DLG2: variants seen among roughly 807,000 people sequenced by gnomAD.
DLG2 encodes the protein disks large homolog 2.
DLG2 carries 45 observed loss-of-function variants against 132.5 expected under a neutral mutation model. The observed-to-expected ratio is 0.34, with a 90% CI of 0.27 to 0.44. The LOEUF is 0.44. Ranked by LOEUF, DLG2 falls within the 20% of genes least tolerant of loss-of-function variation. The pLI is 1.00. For synonymous variants in DLG2, 424 were observed against 419.6 expected (o/e 1.01, Z -0.13); for missense variants, 1,045 against 1,196.9 (o/e 0.87, Z 1.87).
At chr11:84,858,772 A>G (rs576457203) in intron 6 of DLG2, among the ~76,000 whole-genome samples, 11 of 152,238 alleles carry the variant, frequency 7.2e-5, no homozygotes, top group Non-Finnish European at 1.5e-4. Flanking sequence ...TAATAAAAAT[A>G]TACACACTTT....
chr11:84,292,282 C>T (rs182730946), intron 7 of DLG2, among the ~76,000 whole-genome samples: 81 of 152,160 alleles, frequency 5.3e-4, no homozygotes, highest in Non-Finnish European at 5.9e-5. Context: ...CTATAGTTAC[C>T]AGTGGAGAGA....
intron 3 of DLG2, among the ~76,000 whole-genome samples, chr11:85,528,988 T>C (rs559897073): frequency 1.9e-4 from 29 of 152,332 alleles, no homozygotes; most frequent in Non-Finnish European, 3.4e-4. Flanking sequence ...CATGAAATAC[T>C]ATACAGCAAT....
chr11:83,888,204 T>C (rs1432046775), intron 15 of DLG2, among the ~76,000 whole-genome samples: 4 of 151,894 alleles, frequency 2.6e-5, no homozygotes, highest in Non-Finnish European at 5.9e-5. Context: ...GAAAACCCCA[T>C]CGTCTCAGCC....
At chr11:84,410,408 C>G (rs2098893734) in intron 7 of DLG2, among the ~76,000 whole-genome samples, 1 of 151,926 alleles carries the variant, frequency 6.6e-6, no homozygotes, top group Non-Finnish European at 1.5e-5. Flanking sequence ...CCTTCCAGGA[C>G]CAATAGAGGG....
At chr11:85,608,091 G>T (rs1591268752) in intron 2 of DLG2, among the ~76,000 whole-genome samples, 1 of 152,172 alleles carries the variant, frequency 6.6e-6, no homozygotes, top group South Asian at 2.1e-4. Flanking sequence ...GGTCTAGGAG[G>T]AAAACTAGTG....
intron 6 of DLG2, among the ~76,000 whole-genome samples, chr11:85,101,050 T>A (rs966568102): frequency 2.0e-5 from 3 of 152,162 alleles, no homozygotes; most frequent in African/African-American, 7.2e-5. Context: ...CATTTATGAA[T>A]GTCAGTCAAG....
chr11:84,838,723 C>T (rs917062555), intron 6 of DLG2, among the ~76,000 whole-genome samples: 3 of 152,122 alleles, frequency 2.0e-5, no homozygotes, highest in African/African-American at 2.4e-5. Context: ...ATCACATAAA[C>T]GGAACCAAAG....
At chr11:84,616,183 T>C (rs966433914) in intron 6 of DLG2, among the ~76,000 whole-genome samples, 4 of 151,942 alleles carry the variant, frequency 2.6e-5, no homozygotes, top group African/African-American at 7.2e-5. Context: ...GGTAAAAAGG[T>C]GGGGCAGTTG....
At chr11:84,688,318 G>C (rs1219220971) in intron 6 of DLG2, among the ~76,000 whole-genome samples, 1 of 152,028 alleles carries the variant, frequency 6.6e-6, no homozygotes, top group African/African-American at 2.4e-5. Context: ...TACAGCCAAA[G>C]TATATATAAA....
chr11:85,385,948 C>T (rs934426282), intron 3 of DLG2, among the ~76,000 whole-genome samples: 4 of 152,164 alleles, frequency 2.6e-5, no homozygotes, highest in Middle Eastern at 3.2e-3. Flanking sequence ...ACTTTACCCA[C>T]GATTAGTTGA....
intron 6 of DLG2, among the ~76,000 whole-genome samples, chr11:84,582,626 G>C (rs1017089648): frequency 1.3e-5 from 2 of 151,602 alleles, no homozygotes; most frequent in Non-Finnish European, 2.9e-5. Flanking sequence ...TTATGGGACA[G>C]TTATAGACAT....
At chr11:85,417,578 C>T (rs1454723396) in intron 3 of DLG2, among the ~76,000 whole-genome samples, 1 of 152,052 alleles carries the variant, frequency 6.6e-6, no homozygotes, top group African/African-American at 2.4e-5. Context: ...TGGTCCTCAG[C>T]TTTTTTTGGT....
At chr11:83,499,898 T>TAA (rs1555113167) in intron 21 of DLG2, among the ~76,000 whole-genome samples, 1,072 of 95,582 alleles carry the variant, frequency 0.011, 22 homozygotes, top group Non-Finnish European at 0.014. Flanking sequence ...TATATATATA[T>TAA]CAGTTCTGTC....
rs1567803646 is a variant in DLG2, at chr11:84,502,220, T to TCTC, written c.519+32349_519+32350insGAG. The stretch of plus-strand genomic sequence containing the variant: ...TCTCTCTCCTTCCTTCCTTCCTTCC[T>TCTC]TCCTTCCTTCCTTCCTTCCTTCCTT... On this transcript the variant is annotated intron_variant, in intron 7 of 27. Coordinates refer to ENST00000376104, the MANE Select transcript of DLG2 (RefSeq NM_001142699.3). Among the ~76,000 whole-genome samples, 8 of 6,110 alleles carry TCTC rather than the reference T, an allele frequency of 1.3e-3. 1 individual carries two copies. The highest frequency in any genetic ancestry group is 9.6e-3 in the South Asian group (1 of 104). 4.0% of individuals were successfully genotyped at this position (6,110 alleles called of 152,430 possible). A position where few individuals can be genotyped will look rare whatever the true frequency, so the allele number is the denominator to read the frequency against.
intron 3 of DLG2, among the ~76,000 whole-genome samples, chr11:85,582,216 T>A (rs1487445926): frequency 2.0e-5 from 3 of 152,106 alleles, no homozygotes; most frequent in Non-Finnish European, 4.4e-5. Context: ...CTAACAGGCA[T>A]GAAAATGTGT....
chr11:83,517,529 T>C (rs762330471), intron 21 of DLG2, among the ~76,000 whole-genome samples: 1 of 152,242 alleles, frequency 6.6e-6, no homozygotes, highest in Non-Finnish European at 1.5e-5. Context: ...CTCATCGAAG[T>C]CAGTCTCTGT....
intron 15 of DLG2, among the ~76,000 whole-genome samples, chr11:83,916,212 T>G (rs1433801327): frequency 6.6e-6 from 1 of 152,202 alleles, no homozygotes; most frequent in Non-Finnish European, 1.5e-5. Flanking sequence ...TATGAACATT[T>G]GTATACAAGC....
chr11:84,517,426 C>A (rs1393377213), intron 7 of DLG2, among the ~76,000 whole-genome samples: 1 of 151,596 alleles, frequency 6.6e-6, no homozygotes, highest in East Asian at 1.9e-4. Context: ...CAGGGAAATG[C>A]AAGTAAAAAA....
chr11:84,885,528 T>C (rs1258451453), intron 6 of DLG2, among the ~76,000 whole-genome samples: 1 of 152,064 alleles, frequency 6.6e-6, no homozygotes. Context: ...TGTTTTATAG[T>C]ATGGAAATCA....
Sources: allele counts gnomAD v4.1 joint callset (sites outside exome capture counted in the v4.1 genomes callset), GRCh38; gene constraint gnomAD v4.1.1; transcripts MANE v1.5; gene names NCBI Gene and HGNC (gene_info 2026-07-23, HGNC 2026-07-21).